Variants in EFR3B observed in about 807,000 individuals in gnomAD.
EFR3B encodes the protein protein EFR3 homolog B.
In EFR3B, 64 loss-of-function variants were observed where a neutral mutation model predicts 104.7. The observed-to-expected ratio is 0.61, with a 90% CI of 0.50 to 0.75. The LOEUF (loss-of-function observed/expected upper bound fraction) is 0.75. Ranked by LOEUF, EFR3B falls within the 30% of genes least tolerant of loss-of-function variation. The pLI is 0.00. For missense variants in EFR3B, 750 were observed against 1,078.5 expected, an observed-to-expected ratio of 0.70 and a Z score of 4.27; for synonymous variants, 385 against 417.9, an observed-to-expected ratio of 0.92 and a Z score of 0.96.
intron 5 of EFR3B, among the ~76,000 whole-genome samples, chr2:25,122,246 C>T (rs1399424212): frequency 2.6e-5 from 4 of 152,028 alleles, no homozygotes; most frequent in African/African-American, 4.8e-5. Flanking sequence ...GGATTACAGG[C>T]GGGAGCCACT....
At chr2:25,046,504 G>GTTTTTTTTTTTTTTT (rs1667720406) in intron 1 of EFR3B, among the ~76,000 whole-genome samples, 1 of 90,996 alleles carries the variant, frequency 1.1e-5, no homozygotes, top group African/African-American at 3.3e-5. Flanking sequence ...GAAGTACAAA[G>GTTTTTTTTTTTTTTT]TCTTTTTTTT....
chr2:25,094,379 T>C (rs1669222929), intron 3 of EFR3B, among the ~76,000 whole-genome samples: 1 of 151,634 alleles, frequency 6.6e-6, no homozygotes, highest in African/African-American at 2.4e-5. Context: ...GATTCAAACT[T>C]ATATATTAGT....
At chr2:25,143,115 C>T (rs1344065732) in intron 17 of EFR3B, among the ~76,000 whole-genome samples, 1 of 151,580 alleles carries the variant, frequency 6.6e-6, no homozygotes, top group Non-Finnish European at 1.5e-5. Flanking sequence ...GGCTTGGAGG[C>T]TGAGGTAGGA....
At chr2:25,043,162 TGCA>T (rs1460199044) in intron 1 of EFR3B, among the ~76,000 whole-genome samples, 1 of 152,144 alleles carries the variant, frequency 6.6e-6, no homozygotes, top group African/African-American at 2.4e-5. Flanking sequence ...TTCCTGAGCC[TGCA>T]GCCCACCAAG....
intron 1 of EFR3B, among the ~76,000 whole-genome samples, chr2:25,053,861 C>T (rs1404251677): frequency 6.6e-6 from 1 of 152,150 alleles, no homozygotes; most frequent in Non-Finnish European, 1.5e-5. Context: ...GAGCCAAGAT[C>T]GCACCACTGC....
intron 19 of EFR3B, 69 bp from the exon 20 acceptor site, chr2:25,149,625 G>A (rs1670946396): frequency 6.8e-7 from 1 of 1,466,110 alleles, no homozygotes; most frequent in African/African-American, 1.4e-5. Flanking sequence ...CCAGAGAGCT[G>A]GGGGTGCCAG....
chr2:25,121,928 G>A (rs1670027990), intron 5 of EFR3B, 134 bp downstream of exon 5: 1 of 1,262,908 alleles, frequency 7.9e-7, no homozygotes. Flanking sequence ...TTGCCGGGCA[G>A]GTGGGCCAGC....
chr2:25,133,137 C>T (rs1670419257), intron 11 of EFR3B, 123 bp downstream of exon 11: 1 of 979,088 alleles, frequency 1.0e-6, no homozygotes. Context: ...CTCCCAAATC[C>T]CTCAGCAGCC....
At chr2:25,153,861 C>A in intron 22 of EFR3B, 100 bp downstream of exon 22, 1 of 1,207,186 alleles carries the variant, frequency 8.3e-7, no homozygotes, top group Non-Finnish European at 1.2e-6. Flanking sequence ...TCTCTCCTCC[C>A]CACCTCCTTC....
intron 1 of EFR3B, among the ~76,000 whole-genome samples, chr2:25,085,166 C>T (rs542624814): frequency 7.9e-5 from 12 of 152,094 alleles, no homozygotes; most frequent in East Asian, 1.9e-4. Context: ...CTCTCTTTTT[C>T]GATTCTTTGG....
intron 1 of EFR3B, among the ~76,000 whole-genome samples, chr2:25,052,950 A>T (rs1026149654): frequency 6.6e-6 from 1 of 152,232 alleles, no homozygotes; most frequent in Non-Finnish European, 1.5e-5. Flanking sequence ...GGCATTGAGA[A>T]GTTTAATAAC....
intron 1 of EFR3B, among the ~76,000 whole-genome samples, chr2:25,078,844 G>A (rs369718508): frequency 2.3e-4 from 35 of 152,124 alleles, no homozygotes; most frequent in Non-Finnish European, 4.4e-4. Flanking sequence ...GTCAGGATCC[G>A]CCAGGTGTCA....
chr2:25,067,838 T>C (rs1285733525), intron 1 of EFR3B, among the ~76,000 whole-genome samples: 2 of 151,460 alleles, frequency 1.3e-5, no homozygotes, highest in Non-Finnish European at 2.9e-5. Context: ...ATGTTAAAAC[T>C]TTTTTTTCTT....
intron 4 of EFR3B, among the ~76,000 whole-genome samples, chr2:25,118,375 G>A (rs1344049917): frequency 6.6e-6 from 1 of 152,112 alleles, no homozygotes; most frequent in Admixed American, 6.5e-5. Context: ...TGTCTTCCAG[G>A]TTCATCCATG....
chr2:25,110,335 G>T (rs777148982), intron 4 of EFR3B, among the ~76,000 whole-genome samples: 2 of 152,128 alleles, frequency 1.3e-5, no homozygotes, highest in Non-Finnish European at 2.9e-5. Flanking sequence ...ACACATATGT[G>T]CGTTAGGAGT....
At chr2:25,065,792 C>T (rs1240089380) in intron 1 of EFR3B, among the ~76,000 whole-genome samples, 1 of 152,182 alleles carries the variant, frequency 6.6e-6, no homozygotes, top group Non-Finnish European at 1.5e-5. Context: ...TGATGATGGC[C>T]TCTGCTCTGG....
chr2:25,111,360 CGCCCATTTCTCCCTGGGATCGT>C (rs1299259937), intron 4 of EFR3B, among the ~76,000 whole-genome samples: 6 of 151,060 alleles, frequency 4.0e-5, no homozygotes, highest in African/African-American at 7.3e-5. Flanking sequence ...CCTGGGATCA[CGCCCATTTCTCCCTGGGATCGT>C]GCCCATTTCT....
chr2:25,063,333 C>A, intron 1 of EFR3B, among the ~76,000 whole-genome samples: 1 of 152,178 alleles, frequency 6.6e-6, no homozygotes, highest in East Asian at 1.9e-4. Flanking sequence ...GCTTTAATGA[C>A]CTTATTATTC....
chr2:25,109,008 A>C (rs528760410), intron 4 of EFR3B, among the ~76,000 whole-genome samples: 1 of 152,272 alleles, frequency 6.6e-6, no homozygotes, highest in South Asian at 2.1e-4. Flanking sequence ...TGTCTCAAAA[A>C]AAATAAAAAA....
Sources: gnomAD v4.1 joint callset for allele counts (sites outside exome capture counted in the v4.1 genomes callset) on GRCh38, gnomAD v4.1.1 for gene constraint, MANE v1.5 for transcripts, NCBI Gene and HGNC (gene_info 2026-07-23, HGNC 2026-07-21) for gene names.